DLG2: variants seen among roughly 807,000 people sequenced by gnomAD.
DLG2 encodes the protein disks large homolog 2.
Under a neutral mutation model 132.5 loss-of-function variants are expected in DLG2, and 45 were observed. The observed-to-expected ratio is 0.34, with a 90% CI of 0.27 to 0.44. The LOEUF (loss-of-function observed/expected upper bound fraction) is 0.44. DLG2 is among the 20% of genes least tolerant of loss of function. DLG2 has a pLI of 1.00. For missense variants in DLG2, 1,045 were observed against 1,196.9 expected, an observed-to-expected ratio of 0.87 and a Z score of 1.87; for synonymous variants, 424 against 419.6, an observed-to-expected ratio of 1.01 and a Z score of -0.13.
At chr11:85,493,608 T>C (rs1037940294) in intron 3 of DLG2, among the ~76,000 whole-genome samples, 1 of 150,950 alleles carries the variant, frequency 6.6e-6, no homozygotes, top group Non-Finnish European at 1.5e-5. Context: ...GAGTTCGAGG[T>C]GCAGCGAGCT....
Position 83,475,527 on chromosome 11 carries a change from C to G in DLG2, c.2294-2750G>C, listed in dbSNP as rs545958602. Among the ~76,000 whole-genome samples, 43 of 134,630 alleles carry G rather than the reference C, an allele frequency of 3.2e-4. 1 individual carries two copies. The South Asian group carries it at 0.011, about 35-fold the overall frequency. 88.3% of individuals were successfully genotyped at this position (134,630 alleles called of 152,430 possible). A position where few individuals can be genotyped will look rare whatever the true frequency, so the allele number is the denominator to read the frequency against. On this transcript the variant is annotated intron_variant, in intron 22 of 27. Coordinates refer to ENST00000376104, the MANE Select transcript of DLG2 (RefSeq NM_001142699.3). ...TTCAACTCTTGTGGAGTATATTGCA[C>G]TGTCTTGAAACAGTGAGAGAAGCAG... is the stretch of plus-strand genomic sequence containing the variant.
chr11:83,652,835 G>A (rs1488629099), intron 18 of DLG2, among the ~76,000 whole-genome samples: 1 of 152,072 alleles, frequency 6.6e-6, no homozygotes, highest in African/African-American at 2.4e-5. Context: ...TTATATTTTG[G>A]GTTTCCTTAT....
At chr11:84,142,825 T>C (rs1186512385) in intron 9 of DLG2, among the ~76,000 whole-genome samples, 2 of 152,172 alleles carry the variant, frequency 1.3e-5, no homozygotes, top group African/African-American at 2.4e-5. Flanking sequence ...GGCATCAGAC[T>C]GAATTAATTG....
At chr11:83,905,710 T>C (rs192363466) in intron 15 of DLG2, among the ~76,000 whole-genome samples, 66 of 152,310 alleles carry the variant, frequency 4.3e-4, no homozygotes, top group African/African-American at 1.5e-3. Context: ...TAAGCACTTC[T>C]ACTCACTAAA....
chr11:84,505,365 G>A (rs925454766), intron 7 of DLG2, among the ~76,000 whole-genome samples: 12 of 152,088 alleles, frequency 7.9e-5, no homozygotes, highest in Non-Finnish European at 1.8e-4. Context: ...GTCTTCACAA[G>A]AATCCTAAGA....
At chr11:84,559,758 A>G (rs2099419879) in intron 6 of DLG2, among the ~76,000 whole-genome samples, 1 of 152,142 alleles carries the variant, frequency 6.6e-6, no homozygotes, top group Non-Finnish European at 1.5e-5. Context: ...TGATCAATAC[A>G]TTTTTTGCAT....
At chr11:84,310,432 C>G (rs1017608234) in intron 7 of DLG2, among the ~76,000 whole-genome samples, 1 of 152,198 alleles carries the variant, frequency 6.6e-6, no homozygotes, top group Admixed American at 6.5e-5. Flanking sequence ...GTGTCTCACA[C>G]ATTGTGAACA....
chr11:84,913,727 G>A (rs1488351658), intron 6 of DLG2, among the ~76,000 whole-genome samples: 1 of 151,956 alleles, frequency 6.6e-6, no homozygotes, highest in Non-Finnish European at 1.5e-5. Context: ...ATACATTTTT[G>A]TCATTTTCTG....
At chr11:85,534,150 G>T (rs997449376) in intron 3 of DLG2, among the ~76,000 whole-genome samples, 6 of 151,842 alleles carry the variant, frequency 4.0e-5, no homozygotes, top group African/African-American at 1.5e-4. Context: ...ACCATGCCTG[G>T]CTAATTTTTG....
chr11:85,409,925 G>C (rs2089161851), intron 3 of DLG2, among the ~76,000 whole-genome samples: 1 of 151,828 alleles, frequency 6.6e-6, no homozygotes, highest in Non-Finnish European at 1.5e-5. Context: ...AATTAAAAGA[G>C]AAGAACTGTG....
At chr11:83,683,813 C>T (rs1242474738) in intron 18 of DLG2, among the ~76,000 whole-genome samples, 3 of 152,038 alleles carry the variant, frequency 2.0e-5, no homozygotes, top group Non-Finnish European at 4.4e-5. Context: ...TCTAACCTGC[C>T]AGTCAGTGAA....
At chr11:84,657,160 C>T (rs182630396) in intron 6 of DLG2, among the ~76,000 whole-genome samples, 27 of 152,216 alleles carry the variant, frequency 1.8e-4, no homozygotes, top group African/African-American at 6.3e-4. Flanking sequence ...CATCTCCCAA[C>T]AGACCTGTAA....
intron 3 of DLG2, among the ~76,000 whole-genome samples, chr11:85,433,432 A>C (rs2091304289): frequency 6.6e-6 from 1 of 152,180 alleles, no homozygotes; most frequent in African/African-American, 2.4e-5. Context: ...TTCATGTTCA[A>C]AGACACACTT....
intron 9 of DLG2, among the ~76,000 whole-genome samples, chr11:84,133,390 G>A (rs1303886583): frequency 3.3e-5 from 5 of 152,008 alleles, no homozygotes; most frequent in African/African-American, 1.2e-4. Flanking sequence ...GAAACTGGTA[G>A]AAGTATCATC....
At chr11:84,484,026 G>C (rs1215652760) in intron 7 of DLG2, among the ~76,000 whole-genome samples, 1 of 152,114 alleles carries the variant, frequency 6.6e-6, no homozygotes, top group African/African-American at 2.4e-5. Context: ...TTGCTAGAGG[G>C]ACAGCAGGAG....
chr11:83,827,723 T>C (rs913803818), intron 17 of DLG2, among the ~76,000 whole-genome samples: 1 of 152,036 alleles, frequency 6.6e-6, no homozygotes, highest in South Asian at 2.1e-4. Flanking sequence ...TTCTCTGTGC[T>C]CTGTTTCACA....
At chr11:83,555,994 C>T (rs1053884961) in intron 19 of DLG2, among the ~76,000 whole-genome samples, 5 of 152,092 alleles carry the variant, frequency 3.3e-5, no homozygotes, top group African/African-American at 1.2e-4. Context: ...AGAGTAACAC[C>T]AGGGTGTCCC....
chr11:85,206,911 A>G lies in DLG2; in HGVS notation c.187-52260T>C, dbSNP rs576715720. 2.0e-5 allele frequency among the ~76,000 whole-genome samples: 3 copies of G among 152,248 alleles called. No individual in the cohort carries two copies. In the East Asian group the frequency reaches 5.8e-4, roughly 29 times the overall value. On this transcript the variant is annotated intron_variant, in intron 4 of 27. Coordinates refer to ENST00000376104, the MANE Select transcript of DLG2 (RefSeq NM_001142699.3). ...ACATGTATTTTTTGTCACAAAAAAA[A>G]TCTTCAAAGATTCATTTATGTAACT... is the stretch of plus-strand genomic sequence containing the variant.
intron 7 of DLG2, among the ~76,000 whole-genome samples, chr11:84,443,544 A>C (rs941158101): frequency 6.6e-6 from 1 of 152,214 alleles, no homozygotes; most frequent in Non-Finnish European, 1.5e-5. Context: ...GTAGTTTATA[A>C]GAGATCAGTA....
Sources: gnomAD v4.1 joint callset for allele counts (sites outside exome capture counted in the v4.1 genomes callset) on GRCh38, gnomAD v4.1.1 for gene constraint, MANE v1.5 for transcripts, NCBI Gene and HGNC (gene_info 2026-07-23, HGNC 2026-07-21) for gene names.